Variants in GALNT2 observed in about 807,000 individuals in gnomAD.
GALNT2 encodes the protein UDP-GalNAc:polypeptide N-acetylgalactosaminyltransferase 2.
Under a neutral mutation model 81.4 loss-of-function variants are expected in GALNT2, and 31 were observed. The observed-to-expected ratio is 0.38, with a 90% CI of 0.29 to 0.51. The LOEUF is 0.51. Ranked by LOEUF, GALNT2 falls within the 20% of genes least tolerant of loss-of-function variation. The probability of loss-of-function intolerance (pLI) is 0.87; values close to 1 mark genes in which losing one functional copy is unlikely to be tolerated. For missense variants in GALNT2, 629 were observed against 765.7 expected, an observed-to-expected ratio of 0.82 and a Z score of 2.11; for synonymous variants, 303 against 287.4, an observed-to-expected ratio of 1.05 and a Z score of -0.55.
chr1:230,189,372 C>T (rs1470018454), intron 2 of GALNT2, among the ~76,000 whole-genome samples: 1 of 152,152 alleles, frequency 6.6e-6, no homozygotes, highest in East Asian at 1.9e-4. Context: ...CAGTGGATTT[C>T]TCAGAACAGA....
chr1:230,212,454 T>G (rs1222379125), intron 3 of GALNT2, among the ~76,000 whole-genome samples: 2 of 151,898 alleles, frequency 1.3e-5, no homozygotes, highest in Non-Finnish European at 2.9e-5. Flanking sequence ...TCGAAGAAAA[T>G]GTATTGGAAG....
At chr1:230,148,173 A>C (rs1050223880) in intron 1 of GALNT2, among the ~76,000 whole-genome samples, 1 of 152,204 alleles carries the variant, frequency 6.6e-6, no homozygotes, top group South Asian at 2.1e-4. Flanking sequence ...TGCGTGGCTG[A>C]GAGCCACGAG....
Position 230,255,245 on chromosome 1 carries a change from G to T in GALNT2, c.1037G>T (p.Gly346Val). The T allele has an allele frequency of 1.2e-6, 2 of 1,614,192 alleles. No homozygotes were observed. Among genetic ancestry groups the T allele is most frequent in the Non-Finnish European group, 1.7e-6 (2 of 1,180,014 alleles). The part of the protein sequence containing the change: ...LEISFRVWQC[G>V]GSLEIIPCSR... ...ATCTCGTTCCGCGTGTGGCAGTGTG[G>T]TGGCAGCCTGGAGATCATCCCGTGC... Residue 346 changes from glycine to valine, a missense_variant, in exon 11 of 16, where the codon GGT becomes GTT. Coordinates refer to ENST00000366672, the MANE Select transcript of GALNT2 (RefSeq NM_004481.5).
chr1:230,150,795 G>A (rs1326233484), intron 1 of GALNT2, among the ~76,000 whole-genome samples: 4 of 152,244 alleles, frequency 2.6e-5, no homozygotes, highest in South Asian at 2.1e-4. Context: ...GGGATTTGGC[G>A]TTCAGAATGG....
intron 1 of GALNT2, among the ~76,000 whole-genome samples, chr1:230,069,546 A>G (rs1290582723): frequency 6.6e-6 from 1 of 152,192 alleles, no homozygotes; most frequent in Non-Finnish European, 1.5e-5. Flanking sequence ...ACCCAGGGTT[A>G]AAGAGAAGCC....
Position 230,281,960 on chromosome 1 carries a change from T to C in GALNT2, c.*2502T>C, listed in dbSNP as rs1049244612. The C allele has an allele frequency of 5.9e-5, 9 of 152,402 alleles. No individual in the cohort carries two copies. The highest frequency in any genetic ancestry group is 1.3e-4 in the Admixed American group (2 of 15,290). The allele number at this position is 152,402 out of a possible 1,614,324, so 9.4% of individuals were successfully genotyped here. A position where few individuals can be genotyped will look rare whatever the true frequency, so the allele number is the denominator to read the frequency against. The stretch of plus-strand genomic sequence containing the variant: ...CCTCATAAAAGCTCAGATGATGGTA[T>C]CTGTGAGTATGTTTTGCAAATTCAA... On this transcript the variant is annotated 3_prime_UTR_variant, in exon 16 of 16. Coordinates refer to ENST00000366672, the MANE Select transcript of GALNT2 (RefSeq NM_004481.5).
chr1:230,165,059 C>A (rs1326001004), intron 1 of GALNT2, among the ~76,000 whole-genome samples: 1 of 152,206 alleles, frequency 6.6e-6, no homozygotes, highest in African/African-American at 2.4e-5. Context: ...GAAGTTCCAA[C>A]TTTAACATAT....
intron 1 of GALNT2, among the ~76,000 whole-genome samples, chr1:230,124,977 G>A (rs1661129980): frequency 6.6e-6 from 1 of 152,212 alleles, no homozygotes; most frequent in Non-Finnish European, 1.5e-5. Context: ...GTTTTCAAGA[G>A]TGTTGTTCTC....
intron 11 of GALNT2, among the ~76,000 whole-genome samples, chr1:230,258,162 AC>A (rs746761916): frequency 9.9e-5 from 15 of 151,890 alleles, no homozygotes; most frequent in Non-Finnish European, 1.6e-4. Flanking sequence ...TGATCTGCCC[AC>A]CTCGGCCTCC....
At chr1:230,161,723 A>T (rs1462384371) in intron 1 of GALNT2, among the ~76,000 whole-genome samples, 1 of 152,212 alleles carries the variant, frequency 6.6e-6, no homozygotes, top group Non-Finnish European at 1.5e-5. Context: ...TGTGAAATGG[A>T]TATGATGATA....
chr1:230,143,145 C>T (rs6690424), intron 1 of GALNT2, among the ~76,000 whole-genome samples: 117,645 of 152,078 alleles, frequency 0.77, 46,056 homozygotes, highest in Admixed American at 0.8. Flanking sequence ...GACTGAACCT[C>T]CTAGTCCTTC....
chr1:230,224,799 A>G (rs1426744556), intron 3 of GALNT2, among the ~76,000 whole-genome samples: 2 of 152,252 alleles, frequency 1.3e-5, no homozygotes, highest in East Asian at 3.8e-4. Flanking sequence ...GAGGACTTCA[A>G]AGGGAGTACA....
intron 1 of GALNT2, among the ~76,000 whole-genome samples, chr1:230,087,418 C>T (rs995996109): frequency 2.6e-5 from 4 of 152,204 alleles, no homozygotes; most frequent in Non-Finnish European, 5.9e-5. Context: ...CCTCCACTTC[C>T]CCCATCTTAA....
chr1:230,236,390 A>G lies in GALNT2; in HGVS notation c.511A>G (p.Ile171Val). The change falls in exon 5 of 16, where the codon ATC becomes GTC. Residue 171 changes from isoleucine (I) to valine (V), a missense_variant. Ile to Val is a conservative substitution (Grantham distance 29). Transcript: ENST00000366672. ...KKSPPHLIKE[I>V]ILVDDYSNDP... Reference sequence around the variant, plus strand: ...AAGCCCGCCCCATCTCATAAAAGAAATCATCTTGGTGGATGACTACAGCAA... The same window carrying G: ...AAGCCCGCCCCATCTCATAAAAGAAGTCATCTTGGTGGATGACTACAGCAA... 6.2e-7 allele frequency: 1 copy of G among 1,614,158 alleles called. No individual in the cohort carries two copies. The highest frequency in any genetic ancestry group is 8.5e-7 in the Non-Finnish European group (1 of 1,180,012).
chr1:230,154,569 T>A (rs913804613), intron 1 of GALNT2, among the ~76,000 whole-genome samples: 2 of 152,176 alleles, frequency 1.3e-5, no homozygotes, highest in Non-Finnish European at 2.9e-5. Context: ...TTTATAGATA[T>A]AATCAAATTA....
chr1:230,253,826 C>G (rs971467374), intron 10 of GALNT2, among the ~76,000 whole-genome samples: 1 of 152,170 alleles, frequency 6.6e-6, no homozygotes, highest in African/African-American at 2.4e-5. Flanking sequence ...AATCCCTACT[C>G]CTTCCTTCCC....
chr1:230,125,038 G>C (rs1661131777), intron 1 of GALNT2, among the ~76,000 whole-genome samples: 1 of 152,190 alleles, frequency 6.6e-6, no homozygotes, highest in Non-Finnish European at 1.5e-5. Flanking sequence ...TGCTTTATTT[G>C]TTGATGAAGC....
At chr1:230,167,626 G>C (rs1662651761) in intron 1 of GALNT2, among the ~76,000 whole-genome samples, 1 of 152,260 alleles carries the variant, frequency 6.6e-6, no homozygotes, top group South Asian at 2.1e-4. Flanking sequence ...AGGTGAAGTG[G>C]GGAGGAAAGC....
chr1:230,245,079 T>A (rs1251778449), intron 7 of GALNT2, among the ~76,000 whole-genome samples: 1 of 152,150 alleles, frequency 6.6e-6, no homozygotes, highest in Non-Finnish European at 1.5e-5. Flanking sequence ...GTTAGAGATG[T>A]TAAAAGGCCT....
Sources: allele counts gnomAD v4.1 joint callset (sites outside exome capture counted in the v4.1 genomes callset), GRCh38; gene constraint gnomAD v4.1.1; transcripts MANE v1.5; gene names NCBI Gene and HGNC (gene_info 2026-07-23, HGNC 2026-07-21).